GNAL: variants seen among roughly 807,000 people sequenced by gnomAD.
GNAL encodes G protein subunit alpha L.
GNAL carries 18 observed loss-of-function variants against 55.1 expected under a neutral mutation model. That is an observed-to-expected ratio of 0.33 (90% confidence interval 0.23 to 0.48). The LOEUF is 0.48. Among genes scored for constraint, GNAL ranks in the 20% least tolerant of loss-of-function variants. The pLI, the probability that GNAL is intolerant of heterozygous loss-of-function variation, is 0.99. For synonymous variants in GNAL, 253 were observed against 237.0 expected, an observed-to-expected ratio of 1.07 and a Z score of -0.62; for missense variants, 412 against 614.1, an observed-to-expected ratio of 0.67 and a Z score of 3.48.
intron 5 of GNAL, chr18:11,852,244 C>G: frequency 9.5e-7 from 1 of 1,049,632 alleles, no homozygotes. Flanking sequence ...TTTGGGTTTA[C>G]AGCCCCCTCC....
intron 1 of GNAL, among the ~76,000 whole-genome samples, chr18:11,718,081 A>T (rs1309482590): frequency 6.6e-6 from 1 of 152,224 alleles, no homozygotes; most frequent in East Asian, 1.9e-4. Flanking sequence ...ACAATCAATT[A>T]TTAAATAAAT....
intron 10 of GNAL, among the ~76,000 whole-genome samples, 179 bp from the exon 11 acceptor site, chr18:11,876,442 A>AAGAG (rs939650827): frequency 6.6e-6 from 1 of 152,146 alleles, no homozygotes; most frequent in Non-Finnish European, 1.5e-5. Context: ...CAGCCTGGGC[A>AAGAG]AGAGAGTGAG....
At chr18:11,783,164 C>G (rs2033966623) in intron 4 of GNAL, among the ~76,000 whole-genome samples, 1 of 152,130 alleles carries the variant, frequency 6.6e-6, no homozygotes, top group East Asian at 1.9e-4. Context: ...GTATATATTC[C>G]AGGTTTAATT....
At chr18:11,793,675 C>G (rs1239298108) in intron 4 of GNAL, among the ~76,000 whole-genome samples, 2 of 150,648 alleles carry the variant, frequency 1.3e-5, no homozygotes, top group Non-Finnish European at 3.0e-5. Context: ...CCTGTAATCC[C>G]AACACTTTGG....
At position 11,868,532 on chromosome 18, in the gene GNAL, TC is replaced by T; in HGVS notation, c.911-7del. On this transcript the variant is annotated splice_polypyrimidine_tract_variant and intron_variant, in intron 8 of 11. Transcript: ENST00000334049. The surrounding 1 kb of genome is among the most constrained non-coding windows in gnomAD (Gnocchi z 4.0). ...TCTAACTGAGGTGCTTTCCTTTTTC[TC>T]CCCACCAAGATGTCACAGCTATCAT... The T allele has an allele frequency of 6.2e-7, 1 of 1,605,748 alleles. No individual in the cohort carries two copies. Among genetic ancestry groups the T allele is most frequent in the Non-Finnish European group, 8.5e-7 (1 of 1,176,956 alleles).
At chr18:11,788,892 G>A (rs1350784806) in intron 4 of GNAL, among the ~76,000 whole-genome samples, 6 of 34,938 alleles carry the variant, frequency 1.7e-4, no homozygotes, top group South Asian at 1.1e-3. Flanking sequence ...GCAAGACTCC[G>A]TCTCGAAAAA....
chr18:11,713,114 G>A (rs2031875997), intron 1 of GNAL, among the ~76,000 whole-genome samples: 1 of 152,228 alleles, frequency 6.6e-6, no homozygotes, highest in African/African-American at 2.4e-5. Flanking sequence ...CAAGACATGT[G>A]TGTACAACAC....
intron 1 of GNAL, among the ~76,000 whole-genome samples, chr18:11,707,630 C>T (rs1351122802): frequency 6.6e-6 from 1 of 152,176 alleles, no homozygotes; most frequent in Admixed American, 6.5e-5. Flanking sequence ...TGCATTAGCA[C>T]CTAACAAGAA....
At chr18:11,863,060 G>A (rs1379791800) in intron 6 of GNAL, among the ~76,000 whole-genome samples, 2 of 152,032 alleles carry the variant, frequency 1.3e-5, no homozygotes, top group Non-Finnish European at 2.9e-5. Context: ...TGTATTTTTA[G>A]TGGAGACAGG....
intron 8 of GNAL, among the ~76,000 whole-genome samples, chr18:11,867,677 G>A (rs2036295639): frequency 1.3e-5 from 2 of 151,978 alleles, no homozygotes; most frequent in South Asian, 2.1e-4. Context: ...AGCCGGGTGC[G>A]GTGGTGGGTG....
chr18:11,852,189 C>T (rs187972433), intron 5 of GNAL: 166 of 1,439,854 alleles, frequency 1.2e-4, no homozygotes, highest in Admixed American at 1.9e-4. Context: ...GATACTATAC[C>T]CTAGAAACTC....
intron 5 of GNAL, among the ~76,000 whole-genome samples, chr18:11,831,824 A>G (rs2035389759): frequency 6.6e-6 from 1 of 152,188 alleles, no homozygotes; most frequent in Admixed American, 6.5e-5. Flanking sequence ...GTCGGTGGCC[A>G]TTTGTGTGTC....
At chr18:11,797,705 G>C (rs113561087) in intron 4 of GNAL, among the ~76,000 whole-genome samples, 25 of 151,984 alleles carry the variant, frequency 1.6e-4, no homozygotes, top group African/African-American at 6.0e-4. Context: ...GCTGCAGTGA[G>C]CCAAGATCAT....
rs901752598 is a variant in GNAL, at chr18:11,751,742, C to T, written c.377-1111C>T. ...CAGCCGGCCGGGCTCCGTGGGGGGT[C>T]AGCTCCCTGACCCCTACAGCGCGGT... On this transcript the variant is annotated intron_variant, in intron 1 of 11. Coordinates refer to ENST00000334049, the MANE Select transcript of GNAL (RefSeq NM_182978.4). This position sits in a 1 kb window ranked among gnomAD's most constrained non-coding sequence, Gnocchi z 4.5. 1.2e-6 allele frequency: 1 copy of T among 803,624 alleles called. No individual in the cohort carries two copies. The highest frequency in any genetic ancestry group is 6.2e-5 in the Admixed American group (1 of 16,082). 49.8% of individuals were successfully genotyped at this position (803,624 alleles called of 1,614,324 possible). A position where few individuals can be genotyped will look rare whatever the true frequency, so the allele number is the denominator to read the frequency against.
intron 6 of GNAL, among the ~76,000 whole-genome samples, chr18:11,862,663 C>G (rs144405202): frequency 7.2e-5 from 11 of 152,272 alleles, no homozygotes; most frequent in African/African-American, 2.6e-4. Flanking sequence ...ATCAAAATTG[C>G]CAGCATGCAA....
At chr18:11,830,968 AT>A (rs1042005429) in intron 5 of GNAL, among the ~76,000 whole-genome samples, 13 of 152,164 alleles carry the variant, frequency 8.5e-5, no homozygotes, top group African/African-American at 3.1e-4. Context: ...TTTCTAGGGA[AT>A]GGGGAGAGGG....
rs534864468 is a variant in GNAL at position 11,836,596 on chromosome 18, T to C, written c.722+11581T>C. On this transcript the variant is annotated intron_variant, in intron 5 of 11. Coordinates refer to ENST00000334049, the MANE Select transcript of GNAL (RefSeq NM_182978.4). ...CACATTAGATGAACTAACATAGTAA[T>C]CCTCACACTAACCCAATGAGTTCAT... Among the ~76,000 whole-genome samples, 8 of 152,308 alleles carry C rather than the reference T, an allele frequency of 5.3e-5. No individual in the cohort carries two copies. The East Asian group carries it at 1.5e-3, about 29-fold the overall frequency.
intron 1 of GNAL, among the ~76,000 whole-genome samples, chr18:11,722,677 C>T (rs1416532670): frequency 1.3e-5 from 2 of 152,128 alleles, no homozygotes; most frequent in Non-Finnish European, 2.9e-5. Flanking sequence ...GAGTTCGAGA[C>T]CAGCCTACCC....
intron 4 of GNAL, among the ~76,000 whole-genome samples, chr18:11,776,597 A>G (rs1295281722): frequency 2.0e-5 from 3 of 151,240 alleles, no homozygotes; most frequent in Non-Finnish European, 4.4e-5. Flanking sequence ...AGTCCCAGCT[A>G]CCTGGGAGGC....
Sources: gnomAD v4.1 joint callset for allele counts (sites outside exome capture counted in the v4.1 genomes callset) on GRCh38, gnomAD v4.1.1 for gene constraint, Gnocchi (gnomAD v3.1) non-coding constraint, MANE v1.5 for transcripts, NCBI Gene and HGNC (gene_info 2026-07-23, HGNC 2026-07-21) for gene names.